The following CATSPERT variants were observed in gnomAD, a reference collection of about 807,000 sequenced individuals.
CATSPERT encodes catsper channel auxiliary subunit tau, also known as cation channel sperm-associated targeting subunit tau.
At chr2:201,562,526 A>T in the CATSPERT span, among the ~76,000 whole-genome samples, 20,472 of 146,974 alleles carry the variant, frequency 0.14, 1,631 homozygotes, top group African/African-American at 0.21. Flanking sequence ...TTATTTATTT[A>T]TTTTTTTTAT....
chr2:201,532,718 A>C, the CATSPERT span, among the ~76,000 whole-genome samples: 1 of 152,354 alleles, frequency 6.6e-6, no homozygotes, highest in Admixed American at 6.5e-5. Flanking sequence ...AGGAGAATGT[A>C]ATATTACAAA....
At chr2:201,547,436 T>C in the CATSPERT span, 2 of 874,638 alleles carry the variant, frequency 2.3e-6, no homozygotes, top group Middle Eastern at 3.3e-4. Context: ...TCACTTTTAA[T>C]TATCATAATC....
chr2:201,579,983 C>T, the CATSPERT span, among the ~76,000 whole-genome samples: 1 of 151,944 alleles, frequency 6.6e-6, no homozygotes, highest in African/African-American at 2.4e-5. Flanking sequence ...TCCCAAGTCA[C>T]TTGGACTACA....
At chr2:201,581,510 AT>A in the CATSPERT span, among the ~76,000 whole-genome samples, 35 of 97,580 alleles carry the variant, frequency 3.6e-4, 2 homozygotes, top group Admixed American at 1.2e-3. Context: ...ATATATATAT[AT>A]ATATATATAT....
the CATSPERT span, among the ~76,000 whole-genome samples, chr2:201,561,120 C>A: frequency 6.6e-6 from 1 of 152,166 alleles, no homozygotes; most frequent in Non-Finnish European, 1.5e-5. Flanking sequence ...AGACTTCTGA[C>A]CTACCGTAAG....
chr2:201,596,210 T>G, the CATSPERT span, among the ~76,000 whole-genome samples: 1 of 152,070 alleles, frequency 6.6e-6, no homozygotes, highest in Non-Finnish European at 1.5e-5. Context: ...ATAAAGAAAA[T>G]GTAGTACATA....
chr2:201,504,811 G>T, the CATSPERT span, among the ~76,000 whole-genome samples: 4 of 152,210 alleles, frequency 2.6e-5, no homozygotes, highest in Non-Finnish European at 4.4e-5. Context: ...GGGAACATAA[G>T]GTAAGGTTCC....
chr2:201,496,893 T>A, the CATSPERT span, among the ~76,000 whole-genome samples: 2 of 152,292 alleles, frequency 1.3e-5, no homozygotes, highest in South Asian at 4.1e-4. Context: ...AAAGTTTTCA[T>A]TGGGTACTCA....
At chr2:201,586,276 G>C in the CATSPERT span, among the ~76,000 whole-genome samples, 4 of 152,166 alleles carry the variant, frequency 2.6e-5, no homozygotes, top group South Asian at 6.2e-4. Flanking sequence ...TGACTGCAGA[G>C]GGGGGTCAGT....
the CATSPERT span, among the ~76,000 whole-genome samples, chr2:201,505,847 T>A: frequency 6.6e-6 from 1 of 152,228 alleles, no homozygotes; most frequent in Non-Finnish European, 1.5e-5. Context: ...TAATGTAAGA[T>A]GTTAACAATG....
At chr2:201,530,978 T>TTTTTTTTTA in the CATSPERT span, among the ~76,000 whole-genome samples, 3 of 145,810 alleles carry the variant, frequency 2.1e-5, no homozygotes, top group East Asian at 2.0e-4. Context: ...TTTTTTTTTT[T>TTTTTTTTTA]GAGATGGAGT....
chr2:201,537,962 C>CA, the CATSPERT span, among the ~76,000 whole-genome samples: 5 of 151,886 alleles, frequency 3.3e-5, no homozygotes, highest in African/African-American at 1.2e-4. Context: ...AGAATTCTAG[C>CA]AAAAAAATTT....
chr2:201,559,909 T>C, the CATSPERT span, among the ~76,000 whole-genome samples: 1 of 151,938 alleles, frequency 6.6e-6, no homozygotes, highest in African/African-American at 2.4e-5. Context: ...ATAAAAACAA[T>C]AATTCTCCAG....
chr2:201,502,259 T>C, the CATSPERT span, among the ~76,000 whole-genome samples: 1 of 152,276 alleles, frequency 6.6e-6, no homozygotes, highest in South Asian at 2.1e-4. Flanking sequence ...CACTCCATAG[T>C]CTTCTGCCTT....
At chr2:201,517,396 A>G in the CATSPERT span, among the ~76,000 whole-genome samples, 2,125 of 152,196 alleles carry the variant, frequency 0.014, 44 homozygotes, top group African/African-American at 0.048. Context: ...CATATTCCCT[A>G]ACCCAGCCTG....
chr2:201,589,205 T>C, the CATSPERT span, among the ~76,000 whole-genome samples: 1 of 152,002 alleles, frequency 6.6e-6, no homozygotes, highest in Non-Finnish European at 1.5e-5. Flanking sequence ...GATTCAATGC[T>C]ATTCTTATTA....
the CATSPERT span, among the ~76,000 whole-genome samples, chr2:201,589,499 T>C: frequency 4.6e-5 from 7 of 151,888 alleles, no homozygotes; most frequent in Non-Finnish European, 1.0e-4. Context: ...AAACAACCAA[T>C]AGGGAAAGGA....
the CATSPERT span, chr2:201,487,924 C>A: frequency 1.3e-6 from 2 of 1,534,734 alleles, no homozygotes; most frequent in Non-Finnish European, 1.8e-6. Flanking sequence ...AATAAAAGAT[C>A]CAATTGGTAA....
At chr2:201,495,890 C>T in the CATSPERT span, 4 of 1,560,612 alleles carry the variant, frequency 2.6e-6, no homozygotes, top group Non-Finnish European at 3.5e-6. Context: ...TAATTCAGGA[C>T]TCACCTGAAA....
Sources: gnomAD v4.1 joint callset for allele counts (sites outside exome capture counted in the v4.1 genomes callset) on GRCh38, gnomAD v4.1.1 for gene constraint, MANE v1.5 for transcripts, NCBI Gene and HGNC (gene_info 2026-07-23, HGNC 2026-07-21) for gene names.